C16orf96: variants seen among roughly 807,000 people sequenced by gnomAD.
C16orf96 encodes the protein chromosome 16 open reading frame 96, also known as uncharacterized protein C16orf96.
In C16orf96, 108 loss-of-function variants were observed where a neutral mutation model predicts 103.6. That is an observed-to-expected ratio of 1.04 (90% CI 0.89 to 1.22). C16orf96 has a LOEUF of 1.22. Ranked by LOEUF, C16orf96 falls within the 50% of genes most tolerant of loss-of-function variation. The probability of loss-of-function intolerance (pLI) is 0.00; values close to 1 mark genes in which losing one functional copy is unlikely to be tolerated. For synonymous variants in C16orf96, 566 were observed against 593.5 expected (o/e 0.95, Z 0.67); for missense variants, 1,586 against 1,464.2 (o/e 1.08, Z -1.36).
At chr16:4,544,493 G>C in the C16orf96 span, among the ~76,000 whole-genome samples, 4 of 152,170 alleles carry the variant, frequency 2.6e-5, no homozygotes, top group East Asian at 7.7e-4. Flanking sequence ...TGTGGTCCCA[G>C]CTACTCCAGA....
chr16:4,584,929 C>T (rs891022993), intron 7 of C16orf96, among the ~76,000 whole-genome samples: 2 of 152,172 alleles, frequency 1.3e-5, no homozygotes, highest in African/African-American at 2.4e-5. Flanking sequence ...CCTCAGCCTC[C>T]CAAAGTGCTG....
intron 15 of C16orf96, among the ~76,000 whole-genome samples, 171 bp downstream of exon 15, chr16:4,599,535 G>C (rs1897242292): frequency 6.6e-6 from 1 of 152,216 alleles, no homozygotes. Context: ...TGGCCCCGGT[G>C]CCATCCCCGG....
At chr16:4,546,161 C>CTT in the C16orf96 span, among the ~76,000 whole-genome samples, 1 of 134,220 alleles carries the variant, frequency 7.5e-6, no homozygotes, top group Non-Finnish European at 1.6e-5. Flanking sequence ...TTCCTTCTTT[C>CTT]TTTTTTTTTT....
chr16:4,550,569 G>A, the C16orf96 span, among the ~76,000 whole-genome samples: 1 of 152,328 alleles, frequency 6.6e-6, no homozygotes, highest in East Asian at 1.9e-4. Flanking sequence ...GCTAACGTCA[G>A]TGAGCACTTT....
At chr16:4,542,920 A>G in the C16orf96 span, among the ~76,000 whole-genome samples, 4 of 152,326 alleles carry the variant, frequency 2.6e-5, no homozygotes, top group African/African-American at 9.6e-5. Flanking sequence ...CTCAGTAGCC[A>G]CATATGGCTT....
chr16:4,600,244 C>T lies in C16orf96; in HGVS notation c.3353C>T (p.Thr1118Ile). 6.4e-7 allele frequency: 1 copy of T among 1,551,546 alleles called. No individual in the cohort carries two copies. The highest frequency in any genetic ancestry group is 8.7e-7 in the Non-Finnish European group (1 of 1,146,952). ...LRDPQQAPGS[T>I]RLSRAPHIES... ...GACCCCCAGCAGGCCCCAGGGTCCACCAGGCTCTCAAGAGCTCCACACATT... is the reference window on the plus strand; with the variant it reads ...GACCCCCAGCAGGCCCCAGGGTCCATCAGGCTCTCAAGAGCTCCACACATT... The change falls in exon 16 of 16, where the codon ACC (threonine) becomes ATC (isoleucine). Residue 1118 changes from threonine to isoleucine, a missense_variant. By Grantham distance (89) the Thr-to-Ile change is moderately conservative. Coordinates refer to ENST00000444310, the MANE Select transcript of C16orf96 (RefSeq NM_001145011.2).
intron 7 of C16orf96, among the ~76,000 whole-genome samples, chr16:4,586,790 C>G (rs2141747706): frequency 6.6e-6 from 1 of 152,242 alleles, no homozygotes; most frequent in East Asian, 1.9e-4. Flanking sequence ...GGTCTAACTC[C>G]CCGTGGAGGA....
At chr16:4,554,311 A>G (rs1314697550), upstream of C16orf96, among the ~76,000 whole-genome samples, 1 of 151,818 alleles carries the variant, frequency 6.6e-6, no homozygotes, top group South Asian at 2.1e-4. Flanking sequence ...GGGCAGGGAC[A>G]TGCAGGGCCT....
At chr16:4,549,671 G>A in the C16orf96 span, among the ~76,000 whole-genome samples, 5 of 151,890 alleles carry the variant, frequency 3.3e-5, no homozygotes, top group African/African-American at 9.7e-5. Context: ...GGTTGCGGGC[G>A]CCTGCAATCC....
At chr16:4,553,278 C>T (rs143309450), upstream of C16orf96, among the ~76,000 whole-genome samples, 248 of 152,288 alleles carry the variant, frequency 1.6e-3, no homozygotes, top group African/African-American at 5.4e-3. Context: ...CTGAAAATAT[C>T]CCACTGTTCA....
chr16:4,542,539 G>A, the C16orf96 span, among the ~76,000 whole-genome samples: 36 of 152,298 alleles, frequency 2.4e-4, no homozygotes, highest in African/African-American at 8.7e-4. Flanking sequence ...GCTCATGCCT[G>A]TAATCCCAGC....
At chr16:4,545,178 AT>A in the C16orf96 span, among the ~76,000 whole-genome samples, 5 of 151,972 alleles carry the variant, frequency 3.3e-5, no homozygotes, top group South Asian at 4.2e-4. Flanking sequence ...CCAGACCTCA[AT>A]TTTTGGACTT....
chr16:4,590,923 T>C (rs1897044620), intron 9 of C16orf96, among the ~76,000 whole-genome samples: 1 of 151,318 alleles, frequency 6.6e-6, no homozygotes, highest in Admixed American at 6.6e-5. Flanking sequence ...TCCCAGCTAC[T>C]TGGGAGGCTG....
the C16orf96 span, among the ~76,000 whole-genome samples, chr16:4,550,130 G>A: frequency 8.8e-5 from 13 of 147,008 alleles, no homozygotes; most frequent in African/African-American, 1.3e-4. Flanking sequence ...TGTTGCCCCC[G>A]CTGGAGTGCA....
chr16:4,567,677 A>G (rs537658609), intron 1 of C16orf96, among the ~76,000 whole-genome samples: 55 of 135,504 alleles, frequency 4.1e-4, no homozygotes, highest in African/African-American at 1.5e-3. Flanking sequence ...AATTTTCAAT[A>G]GTTTCTTCTG....
At position 4,591,640 on chromosome 16, in the gene C16orf96, C is replaced by T; in HGVS notation, c.2593-26C>T. ...GGTGTGAATTCATAGAGTATTCTTT[C>T]TTATCTTCCCCTTGGCTGTTGGCAG... On this transcript the variant is annotated intron_variant, in intron 9 of 15. Coordinates refer to ENST00000444310, the MANE Select transcript of C16orf96 (RefSeq NM_001145011.2). 2.0e-6 allele frequency: 3 copies of T among 1,524,264 alleles called. No homozygotes were observed. In the South Asian group the frequency reaches 3.6e-5, roughly 18 times the overall value. 94.4% of individuals were successfully genotyped at this position (1,524,264 alleles called of 1,614,324 possible).
chr16:4,563,185 T>C, intron 1 of C16orf96: 1 of 703,504 alleles, frequency 1.4e-6, no homozygotes, highest in Non-Finnish European at 2.6e-6. Context: ...GTTCCTTTGC[T>C]TTAGGCATCG....
chr16:4,574,920 G>A (rs2059482685), intron 3 of C16orf96, 52 bp from the exon 4 acceptor site: 1 of 1,533,086 alleles, frequency 6.5e-7, no homozygotes, highest in Non-Finnish European at 8.8e-7. Flanking sequence ...AGGTGTGGGG[G>A]ACACTGCCCC....
chr16:4,564,119 AGATTGC>A (rs1441256502), intron 1 of C16orf96, among the ~76,000 whole-genome samples: 27 of 152,016 alleles, frequency 1.8e-4, no homozygotes, highest in Admixed American at 1.8e-3. Context: ...CAGTGAGCCG[AGATTGC>A]GCCACTGCAC....
Sources: gnomAD v4.1 joint callset for allele counts (sites outside exome capture counted in the v4.1 genomes callset) on GRCh38, gnomAD v4.1.1 for gene constraint, MANE v1.5 for transcripts, NCBI Gene and HGNC (gene_info 2026-07-23, HGNC 2026-07-21) for gene names.